The following ERBIN variants were observed in gnomAD, a reference collection of about 807,000 sequenced individuals.
ERBIN encodes densin-180-like protein.
A neutral mutation model predicts 158.4 loss-of-function variants in ERBIN; 60 were observed. The observed-to-expected ratio is 0.38, with a 90% CI of 0.31 to 0.47. The LOEUF is 0.47. Ranked by LOEUF, ERBIN falls within the 20% of genes least tolerant of loss-of-function variation. The probability of loss-of-function intolerance (pLI) is 0.99; values close to 1 mark genes in which losing one functional copy is unlikely to be tolerated. For missense variants in ERBIN, 1,610 were observed against 1,648.0 expected (o/e 0.98, Z 0.40); for synonymous variants, 594 against 557.2 (o/e 1.07, Z -0.93).
intron 1 of ERBIN, among the ~76,000 whole-genome samples, chr5:65,976,531 T>C (rs537412443): frequency 6.6e-6 from 1 of 151,796 alleles, no homozygotes; most frequent in South Asian, 2.1e-4. Context: ...TTTTTTTTTT[T>C]TTTTATTGAT....
chr5:66,003,680 T>C (rs1455245883), intron 4 of ERBIN, among the ~76,000 whole-genome samples: 3 of 152,170 alleles, frequency 2.0e-5, no homozygotes, highest in African/African-American at 7.2e-5. Context: ...GTGATATTGA[T>C]GTTCTGTGAA....
intron 7 of ERBIN, among the ~76,000 whole-genome samples, chr5:66,019,510 C>T (rs985930990): frequency 1.1e-4 from 16 of 152,004 alleles, no homozygotes; most frequent in Admixed American, 7.9e-4. Context: ...TATGTTTTCT[C>T]CTTGAGAGAG....
intron 1 of ERBIN, among the ~76,000 whole-genome samples, chr5:65,955,608 T>A (rs932005216): frequency 6.6e-6 from 1 of 152,186 alleles, no homozygotes; most frequent in African/African-American, 2.4e-5. Flanking sequence ...CCAGCATGGG[T>A]GACAGACTCC....
At chr5:65,995,443 T>C (rs1347335971) in intron 4 of ERBIN, among the ~76,000 whole-genome samples, 1 of 152,096 alleles carries the variant, frequency 6.6e-6, no homozygotes, top group Non-Finnish European at 1.5e-5. Flanking sequence ...ATCCATGTTA[T>C]TGCAAATTAA....
chr5:66,075,696 AAGGT>A (rs1316409494), intron 23 of ERBIN, among the ~76,000 whole-genome samples: 5 of 152,208 alleles, frequency 3.3e-5, no homozygotes, highest in African/African-American at 7.2e-5. Context: ...TAATATTAGA[AAGGT>A]AGAGATCAAA....
chr5:65,933,879 A>G (rs1265577412), intron 1 of ERBIN, among the ~76,000 whole-genome samples: 1 of 152,152 alleles, frequency 6.6e-6, no homozygotes, highest in Admixed American at 6.6e-5. Context: ...AGTTGCTAAC[A>G]TGATGCCCTG....
intron 1 of ERBIN, among the ~76,000 whole-genome samples, chr5:65,965,425 A>G (rs1235798223): frequency 1.4e-5 from 1 of 71,560 alleles, no homozygotes; most frequent in Non-Finnish European, 2.6e-5. Flanking sequence ...TTTTTTTTTG[A>G]GACGGAGTCT....
chr5:66,044,048 G>A, intron 16 of ERBIN, 89 bp from the exon 17 acceptor site: 2 of 922,640 alleles, frequency 2.2e-6, no homozygotes, highest in Non-Finnish European at 3.1e-6. Context: ...GATATCTAAT[G>A]TAATTCAGAT....
intron 21 of ERBIN, chr5:66,068,763 C>G (rs1196378284): frequency 1.1e-6 from 1 of 893,630 alleles, no homozygotes. Context: ...ATTAGTGTTG[C>G]ATGATACTTC....
intron 22 of ERBIN, among the ~76,000 whole-genome samples, chr5:66,074,703 T>A (rs1424215438): frequency 6.6e-6 from 1 of 152,144 alleles, no homozygotes; most frequent in African/African-American, 2.4e-5. Context: ...TTGGTTATTA[T>A]AAGATAGATA....
intron 21 of ERBIN, among the ~76,000 whole-genome samples, chr5:66,062,468 T>G (rs1169645692): frequency 1.3e-5 from 2 of 152,180 alleles, no homozygotes; most frequent in Non-Finnish European, 2.9e-5. Flanking sequence ...AGTTTTTAAC[T>G]TCTTTGCCAT....
At chr5:66,057,073 ACCACATTTTT>A (rs1759664399) in intron 21 of ERBIN, among the ~76,000 whole-genome samples, 2 of 152,214 alleles carry the variant, frequency 1.3e-5, no homozygotes, top group Non-Finnish European at 2.9e-5. Flanking sequence ...TGTTTTATAA[ACCACATTTTT>A]AAAAGAATTT....
At chr5:66,035,557 T>G (rs1757314673) in intron 14 of ERBIN, among the ~76,000 whole-genome samples, 2 of 152,208 alleles carry the variant, frequency 1.3e-5, no homozygotes, top group African/African-American at 4.8e-5. Context: ...CATCTTTCAC[T>G]TAGACCTGCA....
At chr5:66,068,737 TC>T in intron 21 of ERBIN, 1 of 661,536 alleles carries the variant, frequency 1.5e-6, no homozygotes. Flanking sequence ...GGTTCCAATT[TC>T]TTTCACTAAT....
intron 2 of ERBIN, among the ~76,000 whole-genome samples, chr5:65,991,638 T>A (rs916944234): frequency 1.3e-5 from 2 of 152,360 alleles, no homozygotes; most frequent in African/African-American, 4.8e-5. Flanking sequence ...ATTGCTTTAT[T>A]ACTTGTGCAA....
At chr5:65,985,238 G>A (rs560096513) in intron 1 of ERBIN, among the ~76,000 whole-genome samples, 1 of 152,252 alleles carries the variant, frequency 6.6e-6, no homozygotes, top group South Asian at 2.1e-4. Flanking sequence ...GATTACAGGT[G>A]CGCACCACCA....
intron 1 of ERBIN, among the ~76,000 whole-genome samples, chr5:65,953,061 C>T (rs1746708058): frequency 6.6e-6 from 1 of 152,190 alleles, no homozygotes; most frequent in East Asian, 1.9e-4. Context: ...TTTCTTGTAT[C>T]AGACTGTGGT....
chr5:66,027,321 C>G (rs1170727137), intron 13 of ERBIN, among the ~76,000 whole-genome samples: 3 of 152,102 alleles, frequency 2.0e-5, no homozygotes, highest in Non-Finnish European at 4.4e-5. Flanking sequence ...ACGTTTCAGC[C>G]TTTAATTCCT....
chr5:65,966,678 C>T (rs1748661055), intron 1 of ERBIN, among the ~76,000 whole-genome samples: 1 of 49,742 alleles, frequency 2.0e-5, no homozygotes, highest in Non-Finnish European at 3.4e-5. Flanking sequence ...GAAACTCTGT[C>T]TCAAAAAAAA....
Sources: gnomAD v4.1 joint callset for allele counts (sites outside exome capture counted in the v4.1 genomes callset) on GRCh38, gnomAD v4.1.1 for gene constraint, MANE v1.5 for transcripts, NCBI Gene and HGNC (gene_info 2026-07-23, HGNC 2026-07-21) for gene names.